The following SCHIP1 variants were observed in gnomAD, a reference collection of about 807,000 sequenced individuals.
SCHIP1 encodes schwannomin-interacting protein 1.
Under a neutral mutation model 29.7 loss-of-function variants are expected in SCHIP1, and 8 were observed. The ratio of observed to expected loss-of-function variants is 0.27; its 90% CI spans 0.16 to 0.49. SCHIP1 has a LOEUF of 0.49. SCHIP1 is among the 20% of genes least tolerant of loss of function. The pLI is 0.99. For missense variants in SCHIP1, 193 were observed against 294.6 expected (o/e 0.66, Z 2.52); for synonymous variants, 76 against 94.9 (o/e 0.80, Z 1.16).
intron 1 of SCHIP1, among the ~76,000 whole-genome samples, chr3:159,863,035 C>A (rs966674841): frequency 6.6e-6 from 1 of 152,102 alleles, no homozygotes; most frequent in African/African-American, 2.4e-5. Context: ...TGTGGGCAGG[C>A]ATTTATGTAA....
At chr3:159,487,330 C>A in the SCHIP1 span, among the ~76,000 whole-genome samples, 1 of 152,132 alleles carries the variant, frequency 6.6e-6, no homozygotes, top group Admixed American at 6.6e-5. Context: ...GGTGTCCAGG[C>A]AAACACACTC....
the SCHIP1 span, among the ~76,000 whole-genome samples, chr3:159,522,641 C>T: frequency 7.6e-4 from 115 of 152,170 alleles, 1 homozygote; most frequent in Admixed American, 2.7e-3. Flanking sequence ...GAGGCGGAGG[C>T]GGGCAGATCA....
At chr3:159,543,244 A>G in the SCHIP1 span, among the ~76,000 whole-genome samples, 1 of 150,916 alleles carries the variant, frequency 6.6e-6, no homozygotes, top group African/African-American at 2.4e-5. Context: ...GTTTTAGGGT[A>G]CATGTGCACA....
At chr3:159,758,689 C>T in the SCHIP1 span, among the ~76,000 whole-genome samples, 1 of 152,212 alleles carries the variant, frequency 6.6e-6, no homozygotes, top group Admixed American at 6.5e-5. Flanking sequence ...GCAGATTGTA[C>T]ACTGCACAAC....
chr3:159,386,303 C>A, the SCHIP1 span, among the ~76,000 whole-genome samples: 1 of 152,042 alleles, frequency 6.6e-6, no homozygotes, highest in Non-Finnish European at 1.5e-5. Context: ...GAATAAAATA[C>A]CTAGGAATAC....
the SCHIP1 span, among the ~76,000 whole-genome samples, chr3:159,779,975 G>A: frequency 6.6e-6 from 1 of 152,156 alleles, no homozygotes; most frequent in African/African-American, 2.4e-5. Context: ...CTCCTATGAT[G>A]GATGTTCATG....
chr3:159,496,071 A>T, the SCHIP1 span, among the ~76,000 whole-genome samples: 2 of 152,242 alleles, frequency 1.3e-5, no homozygotes, highest in Non-Finnish European at 2.9e-5. Flanking sequence ...CTGAAACTGG[A>T]TCCCTTCCTT....
At chr3:159,895,564 T>A (rs749526118) in intron 6 of SCHIP1, among the ~76,000 whole-genome samples, 5 of 152,138 alleles carry the variant, frequency 3.3e-5, no homozygotes, top group Admixed American at 1.3e-4. Flanking sequence ...ATTCAAGTGA[T>A]GTCAACAGCT....
At chr3:159,790,213 T>C in the SCHIP1 span, among the ~76,000 whole-genome samples, 1 of 152,246 alleles carries the variant, frequency 6.6e-6, no homozygotes, top group African/African-American at 2.4e-5. Flanking sequence ...TTCATAGAAA[T>C]TGGAAATGCT....
At chr3:159,760,875 T>C in the SCHIP1 span, among the ~76,000 whole-genome samples, 2 of 86,254 alleles carry the variant, frequency 2.3e-5, no homozygotes, top group East Asian at 5.2e-4. Context: ...TATAAAAGTA[T>C]TTCTTATGAG....
the SCHIP1 span, among the ~76,000 whole-genome samples, chr3:159,385,339 G>T: frequency 7.9e-5 from 12 of 152,086 alleles, no homozygotes; most frequent in African/African-American, 2.9e-4. Context: ...GGGCAGATCA[G>T]TTGAGGCCAG....
intron 1 of SCHIP1, among the ~76,000 whole-genome samples, chr3:159,851,351 A>G (rs1156366474): frequency 2.0e-5 from 3 of 152,222 alleles, no homozygotes; most frequent in Admixed American, 1.3e-4. Context: ...TTACAGAGGC[A>G]GCCAGTGTGG....
the SCHIP1 span, among the ~76,000 whole-genome samples, chr3:159,302,680 G>T: frequency 6.6e-6 from 1 of 152,184 alleles, no homozygotes; most frequent in Admixed American, 6.5e-5. Context: ...GCATAATGTT[G>T]CCTGGAATTT....
chr3:159,531,348 C>T, the SCHIP1 span, among the ~76,000 whole-genome samples: 1 of 152,240 alleles, frequency 6.6e-6, no homozygotes, highest in Admixed American at 6.5e-5. Context: ...GTAAGTCCAT[C>T]ATTCCTTGCA....
the SCHIP1 span, among the ~76,000 whole-genome samples, chr3:159,350,491 T>C: frequency 6.6e-6 from 1 of 152,166 alleles, no homozygotes; most frequent in African/African-American, 2.4e-5. Context: ...ATTTCAATTT[T>C]TTTCCTCTGT....
chr3:159,604,009 C>T, the SCHIP1 span, among the ~76,000 whole-genome samples: 1 of 152,120 alleles, frequency 6.6e-6, no homozygotes, highest in Admixed American at 6.6e-5. Context: ...CCCTCATAAC[C>T]GAATCACCTC....
the SCHIP1 span, among the ~76,000 whole-genome samples, chr3:159,778,187 G>T: frequency 6.7e-6 from 1 of 149,824 alleles, no homozygotes; most frequent in African/African-American, 2.5e-5. Context: ...TAGAGACGGG[G>T]TTTCACCATG....
chr3:159,843,001 C>T (rs3935172), intron 1 of SCHIP1, among the ~76,000 whole-genome samples: 12,362 of 62,868 alleles, frequency 0.2, 1,617 homozygotes, highest in East Asian at 0.38. Flanking sequence ...ATATTTCTTT[C>T]TTTTTTTTTT....
At chr3:159,819,556 C>T in the SCHIP1 span, among the ~76,000 whole-genome samples, 1 of 152,168 alleles carries the variant, frequency 6.6e-6, no homozygotes, top group Non-Finnish European at 1.5e-5. Context: ...AATGGCACTG[C>T]TCTTTATCTG....
Sources: gnomAD v4.1 joint callset for allele counts (sites outside exome capture counted in the v4.1 genomes callset) on GRCh38, gnomAD v4.1.1 for gene constraint, MANE v1.5 for transcripts, NCBI Gene and HGNC (gene_info 2026-07-23, HGNC 2026-07-21) for gene names.